Variants in NPAS3 observed in about 807,000 individuals in gnomAD.
NPAS3 encodes the protein neuronal PAS domain-containing protein 3.
In NPAS3, 14 loss-of-function variants were observed where a neutral mutation model predicts 73.1. That is an observed-to-expected ratio of 0.19 (90% confidence interval 0.13 to 0.30). The LOEUF is 0.30. Ranked by LOEUF, NPAS3 falls within the 10% of genes least tolerant of loss-of-function variation. NPAS3 has a pLI of 1.00. For synonymous variants in NPAS3, 620 were observed against 541.5 expected (o/e 1.14, Z -2.01); for missense variants, 1,096 against 1,250.0 (o/e 0.88, Z 1.86).
At chr14:33,706,104 A>G (rs2060649178) in intron 6 of NPAS3, among the ~76,000 whole-genome samples, 1 of 152,184 alleles carries the variant, frequency 6.6e-6, no homozygotes, top group Non-Finnish European at 1.5e-5. Flanking sequence ...CATTAGCACC[A>G]TGGTTGGGAG....
intron 2 of NPAS3, among the ~76,000 whole-genome samples, chr14:33,165,313 TG>T: frequency 6.6e-6 from 1 of 151,734 alleles, no homozygotes; most frequent in Middle Eastern, 3.4e-3. Context: ...GTGTGAGTTT[TG>T]TTTCATTGCA....
At chr14:33,717,087 G>A (rs942896699) in intron 6 of NPAS3, among the ~76,000 whole-genome samples, 3 of 151,014 alleles carry the variant, frequency 2.0e-5, no homozygotes, top group African/African-American at 2.4e-5. Context: ...GAGAGGGAAT[G>A]GGAGTTGATG....
intron 3 of NPAS3, among the ~76,000 whole-genome samples, chr14:33,253,266 G>A (rs2048656530): frequency 6.6e-6 from 1 of 151,928 alleles, no homozygotes; most frequent in Admixed American, 6.6e-5. Flanking sequence ...TTTTCTCCAT[G>A]TCCAATGATG....
At chr14:32,964,287 G>A (rs2037057939) in intron 1 of NPAS3, among the ~76,000 whole-genome samples, 1 of 151,774 alleles carries the variant, frequency 6.6e-6, no homozygotes, top group Non-Finnish European at 1.5e-5. Flanking sequence ...TGGGGTAGGT[G>A]TTATAGCCAC....
chr14:33,369,337 T>C (rs922789090), intron 4 of NPAS3, among the ~76,000 whole-genome samples: 7 of 142,970 alleles, frequency 4.9e-5, no homozygotes, highest in Admixed American at 3.0e-4. Flanking sequence ...CTGAGAAAGT[T>C]TAGTTTGGAA....
chr14:33,241,618 C>T (rs567108989), intron 3 of NPAS3, among the ~76,000 whole-genome samples: 1 of 152,074 alleles, frequency 6.6e-6, no homozygotes, highest in African/African-American at 2.4e-5. Context: ...TCTTGTTAGT[C>T]TAGTCTCCCT....
chr14:32,971,081 CT>C (rs1191869409), intron 1 of NPAS3, among the ~76,000 whole-genome samples: 1 of 85,884 alleles, frequency 1.2e-5, no homozygotes, highest in Non-Finnish European at 2.8e-5. Context: ...CTGTGTCTTT[CT>C]TTTTTCTTTT....
At chr14:33,260,033 C>T (rs1306822342) in intron 3 of NPAS3, among the ~76,000 whole-genome samples, 4 of 152,062 alleles carry the variant, frequency 2.6e-5, no homozygotes, top group Non-Finnish European at 5.9e-5. Flanking sequence ...ACCCAAAAGC[C>T]TATTGCATGC....
At chr14:33,552,192 C>A (rs73269076) in intron 4 of NPAS3, among the ~76,000 whole-genome samples, 14 of 152,252 alleles carry the variant, frequency 9.2e-5, no homozygotes, top group African/African-American at 3.4e-4. Flanking sequence ...GAGACTCACT[C>A]GTGTGGAAAG....
chr14:33,040,399 T>A (rs1331750095), intron 1 of NPAS3, among the ~76,000 whole-genome samples: 1 of 152,156 alleles, frequency 6.6e-6, no homozygotes, highest in Non-Finnish European at 1.5e-5. Flanking sequence ...TCCAAAAACA[T>A]CTTGATATGA....
chr14:33,249,670 A>C (rs2048510754), intron 3 of NPAS3, among the ~76,000 whole-genome samples: 1 of 152,124 alleles, frequency 6.6e-6, no homozygotes. Flanking sequence ...AGAACCGCTT[A>C]CATGTTCCTG....
intron 3 of NPAS3, among the ~76,000 whole-genome samples, chr14:33,354,166 C>T (rs1261202363): frequency 6.6e-6 from 1 of 152,136 alleles, no homozygotes; most frequent in Non-Finnish European, 1.5e-5. Flanking sequence ...CATCCAAAGT[C>T]ACTTTAAAAA....
intron 4 of NPAS3, among the ~76,000 whole-genome samples, chr14:33,479,086 G>A (rs8013005): frequency 0.25 from 37,799 of 152,056 alleles, 8,578 homozygotes; most frequent in African/African-American, 0.61. Context: ...GCAATAAAAG[G>A]CTAAGGAAAA....
At chr14:33,209,606 C>T (rs117189300) in intron 2 of NPAS3, among the ~76,000 whole-genome samples, 16 of 152,190 alleles carry the variant, frequency 1.1e-4, no homozygotes, top group Non-Finnish European at 2.1e-4. Context: ...TAATACAGGT[C>T]GACCTTCTTC....
At chr14:33,173,931 A>G (rs2139395799) in intron 2 of NPAS3, among the ~76,000 whole-genome samples, 1 of 152,206 alleles carries the variant, frequency 6.6e-6, no homozygotes, top group East Asian at 1.9e-4. Flanking sequence ...TTTTTGATGA[A>G]TGGACAGAAA....
chr14:33,658,871 G>A (rs558113929), intron 5 of NPAS3, among the ~76,000 whole-genome samples: 13 of 152,076 alleles, frequency 8.5e-5, no homozygotes, highest in Middle Eastern at 3.4e-3. Context: ...TGGCTATGCC[G>A]TACGTTTGAT....
intron 4 of NPAS3, among the ~76,000 whole-genome samples, chr14:33,534,605 C>T (rs1390866518): frequency 6.6e-6 from 1 of 152,140 alleles, no homozygotes; most frequent in Non-Finnish European, 1.5e-5. Flanking sequence ...TGTCTGCTAC[C>T]TCCTATATAT....
intron 5 of NPAS3, among the ~76,000 whole-genome samples, chr14:33,588,560 G>T (rs1321945588): frequency 6.6e-6 from 1 of 152,148 alleles, no homozygotes; most frequent in Non-Finnish European, 1.5e-5. Context: ...TTAGCAGCTT[G>T]TAGGTTTTCT....
At chr14:33,558,131 G>T (rs566373213) in intron 4 of NPAS3, among the ~76,000 whole-genome samples, 79 of 152,284 alleles carry the variant, frequency 5.2e-4, no homozygotes, top group African/African-American at 1.9e-3. Context: ...CATGTAATCT[G>T]CTCTTTAGTG....
Sources: gnomAD v4.1 joint callset for allele counts (sites outside exome capture counted in the v4.1 genomes callset) on GRCh38, gnomAD v4.1.1 for gene constraint, MANE v1.5 for transcripts, NCBI Gene and HGNC (gene_info 2026-07-23, HGNC 2026-07-21) for gene names.